The following ZFX variants were observed in gnomAD, a reference collection of about 807,000 sequenced individuals.
ZFX encodes the protein zinc finger X-chromosomal protein.
For synonymous variants in ZFX, 196 were observed against 226.8 expected, an observed-to-expected ratio of 0.86 and a Z score of 1.22; for missense variants, 362 against 628.3, an observed-to-expected ratio of 0.58 and a Z score of 4.53.
At chrX:24,207,253 T>G (rs756757498) in intron 5 of ZFX, 73 bp from the exon 6 acceptor site, 2 of 1,056,659 alleles carry the variant, frequency 1.9e-6, no homozygotes, top group Non-Finnish European at 2.5e-6. Flanking sequence ...AAATTTTTTT[T>G]TTTTTTTTTG....
rs1938445002 is a variant in ZFX at position 24,215,985 on chromosome X, A to G, written c.*4609A>G. ...TTGTTTCATCTTTTGTTTCGTGTAT[A>G]TACTGTTTGCCTTTTTCATAAAAAT... On this transcript the variant is annotated 3_prime_UTR_variant, in exon 10 of 10. Coordinates refer to ENST00000304543, the MANE Select transcript of ZFX (RefSeq NM_003410.4). 9.0e-6 allele frequency: 1 copy of G among 111,669 alleles called. No individual in the cohort carries two copies. The highest frequency in any genetic ancestry group is 3.3e-5 in the African/African-American group (1 of 30,703). The allele number at this position is 111,669 out of a possible 1,213,427, so 9.2% of individuals were successfully genotyped here.
rs753340045 is a variant in ZFX at position 24,208,276 on chromosome X, TGCAGCA to T, written c.1005_1010del (p.Ala340_Ala341del). ...AAGTGATCGTAGGAGAGGAGGATGC[TGCAGCA>T]GCAGCGGCAGCCGCCGCCGTGCACG... On this transcript the variant is annotated inframe_deletion, in exon 8 of 10. Transcript: ENST00000304543. 4.0e-5 allele frequency: 49 copies of T among 1,210,485 alleles called. No homozygotes were observed. The highest frequency in any genetic ancestry group is 5.1e-5 in the Non-Finnish European group (46 of 895,301).
Position 24,211,559 on chromosome X carries a change from T to C in ZFX, c.*183T>C. 2.0e-6 allele frequency: 1 copy of C among 492,312 alleles called. No individual in the cohort carries two copies. The allele number at this position is 492,312 out of a possible 1,213,427, so 40.6% of individuals were successfully genotyped here. ...TTGCTCAGTAGTGTGTTCTGAATTC[T>C]ATTCAGTTTGTTTAATAAATAGGGA... On this transcript the variant is annotated 3_prime_UTR_variant, in exon 10 of 10. Transcript: ENST00000304543.
At chrX:24,205,219 C>A (rs1306000380) in intron 5 of ZFX, among the ~76,000 whole-genome samples, 1 of 112,241 alleles carries the variant, frequency 8.9e-6, no homozygotes, top group Admixed American at 9.4e-5. Flanking sequence ...GGTCTTCCAC[C>A]ATGTCAGATA....
chrX:24,169,735 C>T (rs1402955513), intron 3 of ZFX, among the ~76,000 whole-genome samples: 1 of 110,637 alleles, frequency 9.0e-6, no homozygotes, highest in African/African-American at 3.3e-5. Context: ...ATTCAACAGT[C>T]TGTTGGACAT....
intron 3 of ZFX, among the ~76,000 whole-genome samples, chrX:24,166,216 GC>G (rs1429811927): frequency 8.9e-6 from 1 of 112,466 alleles, no homozygotes; most frequent in African/African-American, 3.2e-5. Flanking sequence ...TCATTTTACA[GC>G]CAAGTTTTAA....
At chrX:24,158,456 C>T (rs1389422004) in intron 3 of ZFX, among the ~76,000 whole-genome samples, 3 of 111,735 alleles carry the variant, frequency 2.7e-5, no homozygotes, top group African/African-American at 9.8e-5. Flanking sequence ...TCCATTCCTT[C>T]TTGCCTCCTG....
intron 5 of ZFX, among the ~76,000 whole-genome samples, chrX:24,190,516 CA>C: frequency 8.9e-6 from 1 of 111,935 alleles, no homozygotes; most frequent in East Asian, 2.8e-4. Flanking sequence ...CTTCCCCTGC[CA>C]AAAACAAGGT....
chrX:24,174,133 A>C (rs1190066775), intron 4 of ZFX, among the ~76,000 whole-genome samples: 1 of 110,146 alleles, frequency 9.1e-6, no homozygotes, highest in Non-Finnish European at 1.9e-5. Flanking sequence ...GAATCGGTTG[A>C]ATCTGGGAGG....
chrX:24,175,032 C>T (rs945774840), intron 4 of ZFX, among the ~76,000 whole-genome samples: 5 of 112,072 alleles, frequency 4.5e-5, no homozygotes, highest in African/African-American at 1.3e-4. Flanking sequence ...TCTCTAAATC[C>T]AGTGGGGATG....
intron 5 of ZFX, among the ~76,000 whole-genome samples, chrX:24,202,508 C>T (rs1185396634): frequency 1.8e-5 from 2 of 111,609 alleles, no homozygotes; most frequent in African/African-American, 6.5e-5. Context: ...TCCTCCTCCA[C>T]GTTCCTTCTT....
At chrX:24,151,261 G>A (rs1932082831) in intron 1 of ZFX, among the ~76,000 whole-genome samples, 1 of 112,012 alleles carries the variant, frequency 8.9e-6, no homozygotes, top group African/African-American at 3.3e-5. Flanking sequence ...ATGTTTAGAG[G>A]TAGGTGGGGC....
chrX:24,186,623 T>A (rs1936134578), intron 5 of ZFX, among the ~76,000 whole-genome samples: 1 of 110,657 alleles, frequency 9.0e-6, no homozygotes, highest in Non-Finnish European at 1.9e-5. Context: ...ACCCCATCTC[T>A]TAAAAAAAAA....
chrX:24,214,909 A>AGAT lies in ZFX; in HGVS notation c.*3535_*3537dup, dbSNP rs946024089. ...ACTGCGCCCAGTTTAGAGGACTAGT[A>AGAT]GATGCTAACATACTAGGGAATGGTC... On this transcript the variant is annotated 3_prime_UTR_variant, in exon 10 of 10. Transcript: ENST00000304543. 2.1e-4 allele frequency: 24 copies of AGAT among 111,668 alleles called. No homozygotes were observed. Among genetic ancestry groups the AGAT allele is most frequent in the African/African-American group, 7.5e-4 (23 of 30,674 alleles). 9.2% of individuals were successfully genotyped at this position (111,668 alleles called of 1,213,427 possible).
intron 5 of ZFX, among the ~76,000 whole-genome samples, chrX:24,195,882 C>G (rs774924109): frequency 8.9e-6 from 1 of 112,497 alleles, no homozygotes; most frequent in South Asian, 3.6e-4. Context: ...TTGTTCTCAC[C>G]TCCCTTTCCC....
rs188314175 is a variant in ZFX, at chrX:24,213,067, C to T, written c.*1691C>T. On this transcript the variant is annotated 3_prime_UTR_variant, in exon 10 of 10. Transcript: ENST00000304543. The stretch of plus-strand genomic sequence containing the variant: ...GATTACAGGCGCCCACCACCACGCC[C>T]GGCTAATTTTTTGTATTTTTAATAG... The T allele has an allele frequency of 2.1e-3, 227 of 110,065 alleles. No individual in the cohort carries two copies. Among genetic ancestry groups the T allele is most frequent in the Middle Eastern group, 4.7e-3 (1 of 213 alleles). 9.1% of individuals were successfully genotyped at this position (110,065 alleles called of 1,213,427 possible).
chrX:24,194,732 G>T (rs1202950689), intron 5 of ZFX, among the ~76,000 whole-genome samples: 1 of 109,186 alleles, frequency 9.2e-6, no homozygotes, highest in Admixed American at 9.9e-5. Context: ...ATATCAATTA[G>T]CCTACAGTAA....
chrX:24,209,443 A>T (rs927437059), intron 9 of ZFX, among the ~76,000 whole-genome samples: 1 of 112,440 alleles, frequency 8.9e-6, no homozygotes, highest in Non-Finnish European at 1.9e-5. Flanking sequence ...TTGTATGATG[A>T]TTTGCGTATT....
chrX:24,179,455 T>C lies in ZFX; in HGVS notation c.331T>C (p.Cys111Arg), dbSNP rs1176708200. The C allele has an allele frequency of 8.3e-6, 10 of 1,211,091 alleles. No homozygotes were observed. The highest frequency in any genetic ancestry group is 1.1e-5 in the Non-Finnish European group (10 of 895,528). Residue 111 changes from cysteine (C) to arginine (R), a missense_variant, in exon 5 of 10, where the codon TGC (cysteine) becomes CGC (arginine). Physicochemically the swap from Cys to Arg is radical, Grantham distance 180. Transcript: ENST00000304543. ...AACTGAAGAAGTTTCTTTAGCACAT[T>C]GCACAGTCCCAGATGATGTTTTAGC... ...DVTEEVSLAH[C>R]TVPDDVLASD...
Sources: allele counts gnomAD v4.1 joint callset (sites outside exome capture counted in the v4.1 genomes callset), GRCh38; gene constraint gnomAD v4.1.1; transcripts MANE v1.5; gene names NCBI Gene and HGNC (gene_info 2026-07-23, HGNC 2026-07-21).